The following MGA variants were observed in gnomAD, a reference collection of about 807,000 sequenced individuals.
The protein encoded by MGA is MAX dimerization protein MGA, also known as MAX gene-associated protein.
Under a neutral mutation model 261.1 loss-of-function variants are expected in MGA, and 40 were observed. The ratio of observed to expected loss-of-function variants is 0.15; its 90% CI spans 0.12 to 0.20. MGA has a LOEUF of 0.20. Among genes scored for constraint, MGA ranks in the 10% least tolerant of loss-of-function variants. The probability of loss-of-function intolerance (pLI) is 1.00; values close to 1 mark genes in which losing one functional copy is unlikely to be tolerated. For missense variants in MGA, 3,397 were observed against 3,630.5 expected, an observed-to-expected ratio of 0.94 and a Z score of 1.65; for synonymous variants, 1,302 against 1,290.6, an observed-to-expected ratio of 1.01 and a Z score of -0.19.
intron 9 of MGA, among the ~76,000 whole-genome samples, chr15:41,721,655 A>T (rs1275112360): frequency 6.6e-6 from 1 of 152,200 alleles, no homozygotes; most frequent in African/African-American, 2.4e-5. Flanking sequence ...CCATGATGAG[A>T]TTCTACTAGA....
chr15:41,724,620 G>A (rs2061129919), intron 9 of MGA, among the ~76,000 whole-genome samples: 1 of 152,104 alleles, frequency 6.6e-6, no homozygotes, highest in African/African-American at 2.4e-5. Flanking sequence ...GGGAGGCCAG[G>A]GCTATGGAGA....
At position 41,749,693 on chromosome 15, in the gene MGA, G is replaced by A. The variant is rs1249027639; in HGVS notation, c.6086G>A (p.Gly2029Asp). The A allele has an allele frequency of 1.2e-6, 2 of 1,613,900 alleles. No homozygotes were observed. Among genetic ancestry groups the A allele is most frequent in the Non-Finnish European group, 1.7e-6 (2 of 1,179,906 alleles). The stretch of plus-strand genomic sequence containing the variant: ...CTGAATGATTCCTTGGAAGATAGGG[G>A]TGATCATTTGGATGAAGAATGCCTT... Residue 2029 changes from glycine (G) to aspartate (D), a missense_variant, in exon 17 of 24, where the codon GGT becomes GAT. This residue lies in a region of MGA where 1,410 missense variants were observed against 1,386.4 expected (regional missense o/e 1.02). Coordinates refer to ENST00000219905, the MANE Select transcript of MGA (RefSeq NM_001164273.2).
At chr15:41,742,344 G>A (rs375826255) in intron 14 of MGA, among the ~76,000 whole-genome samples, 14 of 152,058 alleles carry the variant, frequency 9.2e-5, no homozygotes, top group East Asian at 3.9e-4. Context: ...AGCCGAGATC[G>A]CGCCATTGCA....
intron 2 of MGA, among the ~76,000 whole-genome samples, chr15:41,671,755 A>G (rs920694780): frequency 6.6e-6 from 1 of 152,152 alleles, no homozygotes; most frequent in Non-Finnish European, 1.5e-5. Context: ...TATTTTTTGA[A>G]TTTGGAATCT....
rs995195756 is a variant in MGA at position 41,707,604 on chromosome 15, A to T, written c.2189-124A>T. The T allele has an allele frequency of 3.4e-6, 3 of 879,816 alleles. No individual in the cohort carries two copies. In the Admixed American group the frequency reaches 9.6e-5, roughly 28 times the overall value. 54.5% of individuals were successfully genotyped at this position (879,816 alleles called of 1,614,324 possible). On this transcript the variant is annotated intron_variant, in intron 5 of 23. Transcript: ENST00000219905. The stretch of plus-strand genomic sequence containing the variant: ...GTTTTTTTCATTGTTTTTGCTCTTC[A>T]CTATCTCCTTTCTCTCTCGACCTTA...
At chr15:41,641,678 C>T (rs1344645097) in intron 1 of MGA, among the ~76,000 whole-genome samples, 1 of 151,034 alleles carries the variant, frequency 6.6e-6, no homozygotes, top group African/African-American at 2.4e-5. Context: ...TTAGTAGTGA[C>T]GTGGTTTCAC....
intron 9 of MGA, among the ~76,000 whole-genome samples, chr15:41,720,254 G>C (rs1311266863): frequency 6.6e-6 from 1 of 152,210 alleles, no homozygotes. Context: ...GAGGCTACAG[G>C]CTGGGTGCTG....
At chr15:41,713,542 A>G (rs1372523946) in intron 9 of MGA, 46 bp downstream of exon 9, 1 of 1,474,870 alleles carries the variant, frequency 6.8e-7, no homozygotes, top group African/African-American at 1.4e-5. Flanking sequence ...CAGTTTTTGG[A>G]AAAGTATGGT....
At position 41,768,004 on chromosome 15, in the gene MGA, C is replaced by G. The variant is rs2063883710; in HGVS notation, c.*724C>G. On this transcript the variant is annotated 3_prime_UTR_variant, in exon 24 of 24. Coordinates refer to ENST00000219905, the MANE Select transcript of MGA (RefSeq NM_001164273.2). ...TGTGGGCATTGAAAAGCTCATTTCA[C>G]AGTACCAGAGATTTTTACTGGGAGT... 6.6e-6 allele frequency: 1 copy of G among 152,496 alleles called. No individual in the cohort carries two copies. The highest frequency in any genetic ancestry group is 2.1e-4 in the South Asian group (1 of 4,832). 9.4% of individuals were successfully genotyped at this position (152,496 alleles called of 1,614,324 possible). A position where few individuals can be genotyped will look rare whatever the true frequency, so the allele number is the denominator to read the frequency against.
chr15:41,660,740 C>T lies in MGA; in HGVS notation c.-68+215C>T, dbSNP rs552965643. 4.6e-5 allele frequency among the ~76,000 whole-genome samples: 7 copies of T among 152,306 alleles called. No individual in the cohort carries two copies. The South Asian group carries it at 1.2e-3, about 27-fold the overall frequency. ...GCGCATGTCACCTCGCGCGCGTCCC[C>T]GGCCTCACTTCCGCGTCGCTCAGCT... On this transcript the variant is annotated intron_variant, in intron 1 of 23. Coordinates refer to ENST00000219905, the MANE Select transcript of MGA (RefSeq NM_001164273.2).
chr15:41,734,696 G>GC (rs2061679325), intron 12 of MGA, 102 bp downstream of exon 12: 2 of 881,244 alleles, frequency 2.3e-6, no homozygotes, highest in South Asian at 4.0e-5. Flanking sequence ...GAATATGTCT[G>GC]CCTACCCTGT....
At chr15:41,763,320 C>G (rs540439613) in intron 22 of MGA, among the ~76,000 whole-genome samples, 369 of 151,312 alleles carry the variant, frequency 2.4e-3, no homozygotes, top group African/African-American at 8.7e-3. Context: ...CCAGGATGGT[C>G]TCGATCTCCT....
At chr15:41,737,755 G>A (rs1381231829) in intron 13 of MGA, among the ~76,000 whole-genome samples, 1 of 151,614 alleles carries the variant, frequency 6.6e-6, no homozygotes, top group Non-Finnish European at 1.5e-5. Flanking sequence ...CCGAGGTGGT[G>A]GATCACCTAA....
rs531601416 is a variant in MGA, at chr15:41,742,505, T to C, written c.4586-41T>C. On this transcript the variant is annotated intron_variant, in intron 14 of 23. Coordinates refer to ENST00000219905, the MANE Select transcript of MGA (RefSeq NM_001164273.2). ...GCACAGTCACTAAGAGGATAAAATA[T>C]GAGAACTGAAGATTTTTGACCTGCA... 3.8e-6 allele frequency: 6 copies of C among 1,590,842 alleles called. No homozygotes were observed. In the East Asian group the frequency reaches 6.7e-5, roughly 18 times the overall value.
intron 5 of MGA, among the ~76,000 whole-genome samples, chr15:41,700,632 A>G (rs894153510): frequency 2.6e-5 from 4 of 152,028 alleles, no homozygotes; most frequent in African/African-American, 9.7e-5. Context: ...GTAATGCATT[A>G]TCTTGACCTT....
chr15:41,679,725 T>G (rs1281048871), intron 2 of MGA, among the ~76,000 whole-genome samples: 2 of 151,914 alleles, frequency 1.3e-5, no homozygotes, highest in East Asian at 3.9e-4. Context: ...TGTTGTGTTG[T>G]GGGGGGGACT....
At position 41,767,430 on chromosome 15, in the gene MGA, C is replaced by A; in HGVS notation, c.*150C>A. The A allele has an allele frequency of 2.5e-6, 2 of 789,136 alleles. No individual in the cohort carries two copies. Among genetic ancestry groups the A allele is most frequent in the Non-Finnish European group, 4.0e-6 (2 of 501,764 alleles). 48.9% of individuals were successfully genotyped at this position (789,136 alleles called of 1,614,324 possible). A position where few individuals can be genotyped will look rare whatever the true frequency, so the allele number is the denominator to read the frequency against. ...ATGATGGGAGAAAGGGGGTAGGGTGCTGACCCTGGTATAAGAAGTACTCTG... is the reference window on the plus strand; with the variant it reads ...ATGATGGGAGAAAGGGGGTAGGGTGATGACCCTGGTATAAGAAGTACTCTG... On this transcript the variant is annotated 3_prime_UTR_variant, in exon 24 of 24. Transcript: ENST00000219905.
At chr15:41,672,920 A>G (rs1455545374) in intron 2 of MGA, among the ~76,000 whole-genome samples, 1 of 152,086 alleles carries the variant, frequency 6.6e-6, no homozygotes, top group Non-Finnish European at 1.5e-5. Context: ...TCAGTTACTG[A>G]TATATGATTG....
chr15:41,656,504 G>A (rs1207288310), upstream of MGA, among the ~76,000 whole-genome samples: 2 of 151,374 alleles, frequency 1.3e-5, no homozygotes, highest in African/African-American at 2.4e-5. Context: ...ACCAGGCCCA[G>A]CTATTTATTT....
Sources: gnomAD v4.1 joint callset for allele counts (sites outside exome capture counted in the v4.1 genomes callset) on GRCh38, gnomAD v4.1.1 for gene constraint, gnomAD v4.1.1 regional missense constraint, MANE v1.5 for transcripts, NCBI Gene and HGNC (gene_info 2026-07-23, HGNC 2026-07-21) for gene names.